RPS7: variants seen among roughly 807,000 people sequenced by gnomAD.
The protein encoded by RPS7 is small ribosomal subunit protein eS7.
In RPS7, 1 loss-of-function variant was observed where a neutral mutation model predicts 22.1. That is an observed-to-expected ratio of 0.05 (90% confidence interval 0.02 to 0.21). RPS7 has a LOEUF of 0.21. RPS7 is among the 10% of genes least tolerant of loss of function. The pLI, the probability that RPS7 is intolerant of heterozygous loss-of-function variation, is 1.00. For missense variants in RPS7, 137 were observed against 246.4 expected (o/e 0.56, Z 2.97); for synonymous variants, 80 against 92.0 (o/e 0.87, Z 0.74).
rs1006838420 is a variant in RPS7 at position 3,575,878 on chromosome 2, C to T, written c.137C>T (p.Thr46Met). 15 of 1,607,918 alleles carry T rather than the reference C, an allele frequency of 9.3e-6. No homozygotes were observed. The highest frequency in any genetic ancestry group is 1.2e-5 in the Non-Finnish European group (14 of 1,177,056). Residue 46 changes from threonine (T) to methionine (M), a missense_variant, in exon 3 of 7, where the codon ACG becomes ATG. Around this residue, in one of 2 missense-constraint regions of RPS7, gnomAD observed 63 missense variants for 75.0 expected, o/e 0.84. Transcript: ENST00000645674. ...GCTCAGCTCAGGGAGCTGAATATTA[C>T]GGCAGCTAAGGTAAGCTGGCGCTCC... ...LKAQLRELNITAAKEIEVGGG... is the reference protein window; with the variant it reads ...LKAQLRELNIMAAKEIEVGGG...
intron 1 of RPS7, 98 bp from the exon 2 acceptor site, chr2:3,575,494 T>TGCGGGGCGA: frequency 1.3e-6 from 1 of 776,182 alleles, no homozygotes; most frequent in Non-Finnish European, 2.2e-6. Flanking sequence ...CGATGGCTTC[T>TGCGGGGCGA]GCGGGGCGAG....
rs755065189 is a variant in RPS7 at position 3,575,608 on chromosome 2, C to T, written c.-2C>T. 2.0e-5 allele frequency: 32 copies of T among 1,610,072 alleles called. No homozygotes were observed. The South Asian group carries it at 3.4e-4, about 17-fold the overall frequency. On this transcript the variant is annotated 5_prime_UTR_variant, in exon 2 of 7. Coordinates refer to ENST00000645674, the MANE Select transcript of RPS7 (RefSeq NM_001011.4). ...TGCCTTCAGTTCTCCCAGGAGAAAG[C>T]CATGTTCAGTTCGAGCGCCAAGATC... is the stretch of plus-strand genomic sequence containing the variant.
chr2:3,575,631 A>T lies in RPS7; in HGVS notation c.22A>T (p.Ile8Phe). ...AGCCATGTTCAGTTCGAGCGCCAAG[A>T]TCGTGAAGCCCAATGGCGAGAAGCC... MFSSSAK[I>F]VKPNGEKPDE... The change falls in exon 2 of 7, where the codon ATC becomes TTC. Residue 8 changes from isoleucine to phenylalanine, a missense_variant. Coordinates refer to ENST00000645674, the MANE Select transcript of RPS7 (RefSeq NM_001011.4). 1 of 1,611,256 alleles carries T rather than the reference A, an allele frequency of 6.2e-7. No individual in the cohort carries two copies. The highest frequency in any genetic ancestry group is 8.5e-7 in the Non-Finnish European group (1 of 1,179,514).
Position 3,575,805 on chromosome 2 carries a change from G to C in RPS7, c.76-12G>C, listed in dbSNP as rs2147819267. On this transcript the variant is annotated splice_polypyrimidine_tract_variant and intron_variant, in intron 2 of 6. Coordinates refer to ENST00000645674, the MANE Select transcript of RPS7 (RefSeq NM_001011.4). Reference sequence around the variant, plus strand: ...GCGCTCAGGGTCGGTCCTGCTGTTCGTTGCTTCTTAGGCTCTTCTGGAGCT... The same window carrying C: ...GCGCTCAGGGTCGGTCCTGCTGTTCCTTGCTTCTTAGGCTCTTCTGGAGCT... 1.2e-6 allele frequency: 2 copies of C among 1,611,828 alleles called. No individual in the cohort carries two copies. Among genetic ancestry groups the C allele is most frequent in the East Asian group, 2.2e-5 (1 of 44,860 alleles).
At position 3,575,263 on chromosome 2, in the gene RPS7, G is replaced by A. The variant is rs1572357375; in HGVS notation, c.-106G>A. 8.0e-6 allele frequency: 3 copies of A among 373,066 alleles called. No homozygotes were observed. In the Admixed American group the frequency reaches 1.4e-4, roughly 17 times the overall value. The allele number at this position is 373,066 out of a possible 1,614,324, so 23.1% of individuals were successfully genotyped here. ...TGTTCCGGTTTCCGCCCTCCTCCTC[G>A]CGCTGTTTCCGCCTCTTGCCTTCGG... On this transcript the variant is annotated 5_prime_UTR_variant, in exon 1 of 7. Transcript: ENST00000645674.
Position 3,577,816 on chromosome 2 carries a change from A to G in RPS7, c.356+42A>G, listed in dbSNP as rs757471985. On this transcript the variant is annotated intron_variant, in intron 5 of 6. Coordinates refer to ENST00000645674, the MANE Select transcript of RPS7 (RefSeq NM_001011.4). ...TTTCAGAAATGTGTGTACCCCTCTT[A>G]TTAACAACTCTTAATTTGTTTAAGT... 3 of 1,237,736 alleles carry G rather than the reference A, an allele frequency of 2.4e-6. No homozygotes were observed. The Admixed American group carries it at 5.2e-5, about 21-fold the overall frequency. The allele number at this position is 1,237,736 out of a possible 1,614,324, so 76.7% of individuals were successfully genotyped here. A position where few individuals can be genotyped will look rare whatever the true frequency, so the allele number is the denominator to read the frequency against.
intron 6 of RPS7, 127 bp downstream of exon 6, chr2:3,580,387 C>G: frequency 1.2e-6 from 1 of 804,574 alleles, no homozygotes; most frequent in South Asian, 1.4e-5. Flanking sequence ...TTTACCCGCA[C>G]TTCAGCCTGC....
intron 6 of RPS7, 42 bp downstream of exon 6, chr2:3,580,302 TGA>T (rs1264076103): frequency 6.3e-7 from 1 of 1,589,406 alleles, no homozygotes; most frequent in East Asian, 2.2e-5. Context: ...TCAGCCACAG[TGA>T]GAGTGGATTT....
chr2:3,580,597 G>T (rs1413183716), intron 6 of RPS7: 3 of 623,366 alleles, frequency 4.8e-6, no homozygotes, highest in Non-Finnish European at 8.5e-6. Context: ...GGGGTCCCCT[G>T]ATGGCTTCCC....
chr2:3,579,849 GGTGA>G (rs1661360249), intron 5 of RPS7: 3 of 561,530 alleles, frequency 5.3e-6, no homozygotes, highest in Admixed American at 3.0e-5. Context: ...TCATTGCCTT[GGTGA>G]GTTTGTAGTT....
rs746401169 is a variant in RPS7 at position 3,576,436 on chromosome 2, C to T, written c.148-51C>T. 12 of 1,539,010 alleles carry T rather than the reference C, an allele frequency of 7.8e-6. No individual in the cohort carries two copies. The East Asian group carries it at 2.0e-4, about 26-fold the overall frequency. On this transcript the variant is annotated intron_variant, in intron 3 of 6. Coordinates refer to ENST00000645674, the MANE Select transcript of RPS7 (RefSeq NM_001011.4). The stretch of plus-strand genomic sequence containing the variant: ...TTCTTATCCTCTAATTTGACCACAA[C>T]GTTTACTTTCTGAAGCAGTTAACAC...
chr2:3,579,964 T>C (rs1661363504), intron 5 of RPS7, 146 bp from the exon 6 acceptor site: 7 of 792,776 alleles, frequency 8.8e-6, no homozygotes, highest in Non-Finnish European at 1.3e-5. Context: ...GTACGTGAAA[T>C]ATAACAAGCT....
Position 3,575,947 on chromosome 2 carries a change from C to G in RPS7, c.147+59C>G, listed in dbSNP as rs969336036. The G allele has an allele frequency of 7.0e-6, 9 of 1,279,978 alleles. No homozygotes were observed. In the Admixed American group the frequency reaches 1.7e-4, roughly 24 times the overall value. The allele number at this position is 1,279,978 out of a possible 1,614,324, so 79.3% of individuals were successfully genotyped here. On this transcript the variant is annotated intron_variant, in intron 3 of 6. Transcript: ENST00000645674. ...TGCGGCGCGTCTCCCCGCGCAGTGCCTGAGAGGGTTGGACCTGGGTTACGG... is the reference window on the plus strand; with the variant it reads ...TGCGGCGCGTCTCCCCGCGCAGTGCGTGAGAGGGTTGGACCTGGGTTACGG...
chr2:3,575,861 C>T lies in RPS7; in HGVS notation c.120C>T (p.Leu40=). 1 of 1,611,542 alleles carries T rather than the reference C, an allele frequency of 6.2e-7. No individual in the cohort carries two copies. ...LEMNSDLKAQ[L]RELNITAAKE... ...TGAACTCGGACCTCAAGGCTCAGCT[C>T]AGGGAGCTGAATATTACGGCAGCTA... The change falls in exon 3 of 7, where the codon CTC becomes CTT. Residue 40 remains leucine, a synonymous_variant. Coordinates refer to ENST00000645674, the MANE Select transcript of RPS7 (RefSeq NM_001011.4).
chr2:3,575,934 C>G, intron 3 of RPS7, 46 bp downstream of exon 3: 2 of 1,406,478 alleles, frequency 1.4e-6, no homozygotes, highest in South Asian at 1.2e-5. Flanking sequence ...CGGCGCGTCT[C>G]CCCGCGCAGT....
chr2:3,577,813 C>T (rs754061886), intron 5 of RPS7, 39 bp downstream of exon 5: 8 of 1,279,340 alleles, frequency 6.3e-6, no homozygotes, highest in Non-Finnish European at 8.0e-6. Context: ...GTGTACCCCT[C>T]TTATTAACAA....
At chr2:3,576,278 G>T (rs942880636) in intron 3 of RPS7, 5 of 643,854 alleles carry the variant, frequency 7.8e-6, no homozygotes, top group Non-Finnish European at 1.4e-5. Context: ...CTCCTGGCCT[G>T]AACAGTCTCC....
intron 5 of RPS7, 37 bp from the exon 6 acceptor site, chr2:3,580,073 G>A (rs777466781): frequency 1.1e-5 from 17 of 1,611,490 alleles, no homozygotes; most frequent in Middle Eastern, 1.6e-4. Flanking sequence ...GAGGGCAGGC[G>A]TTGCTAGGTT....
At chr2:3,576,714 T>G in intron 4 of RPS7, 84 bp downstream of exon 4, 1 of 1,441,874 alleles carries the variant, frequency 6.9e-7, no homozygotes, top group African/African-American at 1.4e-5. Flanking sequence ...GTAGTTGGAG[T>G]CATGAAAACA....
Sources: gnomAD v4.1 joint callset for allele counts on GRCh38, gnomAD v4.1.1 for gene constraint, gnomAD v4.1.1 regional missense constraint, MANE v1.5 for transcripts, NCBI Gene and HGNC (gene_info 2026-07-23, HGNC 2026-07-21) for gene names.